Variants in FARSB observed in about 807,000 individuals in gnomAD.
FARSB encodes the protein phenylalanyl-tRNA synthetase subunit beta, also known as phenylalanine--tRNA ligase beta subunit.
FARSB carries 40 observed loss-of-function variants against 69.6 expected under a neutral mutation model. That is an observed-to-expected ratio of 0.57 (90% CI 0.45 to 0.75). FARSB has a LOEUF of 0.75. FARSB is among the 30% of genes least tolerant of loss of function. FARSB has a pLI of 0.00. For synonymous variants in FARSB, 235 were observed against 247.2 expected, an observed-to-expected ratio of 0.95 and a Z score of 0.46; for missense variants, 632 against 722.9, an observed-to-expected ratio of 0.87 and a Z score of 1.44.
intron 3 of FARSB, 99 bp from the exon 4 acceptor site, chr2:222,641,030 A>G: frequency 2.2e-6 from 1 of 461,614 alleles, no homozygotes; most frequent in Non-Finnish European, 3.7e-6. Context: ...AAAATGAATT[A>G]GGGCAATGGG....
At chr2:222,604,513 G>A (rs183660706) in intron 15 of FARSB, among the ~76,000 whole-genome samples, 162 of 152,192 alleles carry the variant, frequency 1.1e-3, no homozygotes, top group African/African-American at 3.7e-3. Flanking sequence ...GATGATAGAG[G>A]TCAAAGCCAG....
In FARSB at chr2:222,647,721, C is replaced by T. The variant is rs192767709; in HGVS notation, c.114+1019G>A. Among the ~76,000 whole-genome samples, 242 of 152,266 alleles carry T rather than the reference C, an allele frequency of 1.6e-3. 1 individual carries two copies. The highest frequency in any genetic ancestry group is 0.013 in the Admixed American group (193 of 15,300). ...AGGAGGTTGTGGTGAGCCAAGATCG[C>T]GCTGTCGCACTCCAGCCTGGGCAAC... On this transcript the variant is annotated intron_variant, in intron 2 of 16. Coordinates refer to ENST00000281828, the MANE Select transcript of FARSB (RefSeq NM_005687.5).
intron 2 of FARSB, among the ~76,000 whole-genome samples, chr2:222,645,657 T>A (rs1421275809): frequency 3.9e-5 from 6 of 151,912 alleles, no homozygotes; most frequent in African/African-American, 1.4e-4. Context: ...TTATTGGCAA[T>A]TACAAAAGTA....
At chr2:222,582,178 T>A (rs940717456) in intron 16 of FARSB, among the ~76,000 whole-genome samples, 3 of 152,186 alleles carry the variant, frequency 2.0e-5, no homozygotes, top group Non-Finnish European at 4.4e-5. Flanking sequence ...TCAATGTTAA[T>A]CAACAGGAAA....
At chr2:222,578,820 A>C (rs774163163) in intron 16 of FARSB, among the ~76,000 whole-genome samples, 13 of 150,082 alleles carry the variant, frequency 8.7e-5, no homozygotes, top group Admixed American at 2.7e-4. Context: ...TCTACTAAAA[A>C]ATACAAAAAA....
chr2:222,621,376 C>A (rs1691130680), intron 13 of FARSB, among the ~76,000 whole-genome samples: 2 of 152,134 alleles, frequency 1.3e-5, no homozygotes, highest in Non-Finnish European at 2.9e-5. Context: ...GCAACCTCCA[C>A]CACACCCGAC....
chr2:222,568,611 G>A lies in FARSB; in HGVS notation c.*3260C>T, dbSNP rs1689668393. 1 of 152,202 alleles carries A rather than the reference G, an allele frequency of 6.6e-6. No homozygotes were observed. Among genetic ancestry groups the A allele is most frequent in the Non-Finnish European group, 1.5e-5 (1 of 68,042 alleles). The allele number at this position is 152,202 out of a possible 1,614,324, so 9.4% of individuals were successfully genotyped here. The stretch of plus-strand genomic sequence containing the variant: ...TCCCAGCACTTTGGGAGGCAGAGGT[G>A]GACAGATCGCCTGAGGTCAGAAGTT... On this transcript the variant is annotated 3_prime_UTR_variant, in exon 17 of 17. Coordinates refer to ENST00000281828, the MANE Select transcript of FARSB (RefSeq NM_005687.5). This position sits in a 1 kb window ranked among gnomAD's most constrained non-coding sequence, Gnocchi z 4.3.
chr2:222,637,052 A>G (rs1559213301), intron 5 of FARSB, among the ~76,000 whole-genome samples: 1 of 152,076 alleles, frequency 6.6e-6, no homozygotes, highest in Non-Finnish European at 1.5e-5. Flanking sequence ...AGAAGGAACT[A>G]TTTTTTTTAA....
intron 16 of FARSB, among the ~76,000 whole-genome samples, chr2:222,595,832 GA>G (rs1690398419): frequency 6.6e-6 from 1 of 151,764 alleles, no homozygotes; most frequent in Middle Eastern, 3.4e-3. Flanking sequence ...AGTGGTTTTT[GA>G]AAAGGATAGA....
At chr2:222,637,615 A>G (rs940912253) in intron 5 of FARSB, among the ~76,000 whole-genome samples, 5 of 152,202 alleles carry the variant, frequency 3.3e-5, no homozygotes, top group African/African-American at 1.2e-4. Context: ...GTAGGGACTA[A>G]TTAGCCTAAA....
chr2:222,617,504 C>T (rs531048795), intron 14 of FARSB, among the ~76,000 whole-genome samples: 33 of 152,180 alleles, frequency 2.2e-4, no homozygotes, highest in Admixed American at 2.6e-4. Flanking sequence ...TACTGGGTGA[C>T]GGGTTCAGTC....
chr2:222,631,770 T>C (rs926800085), intron 7 of FARSB, 96 bp from the exon 8 acceptor site: 10 of 771,776 alleles, frequency 1.3e-5, no homozygotes, highest in Non-Finnish European at 2.2e-5. Context: ...ATTTTAAATG[T>C]AAAACATATT....
At position 222,624,742 on chromosome 2, in the gene FARSB, C is replaced by T. The variant is rs1033444151; in HGVS notation, c.934G>A (p.Asp312Asn). 1.4e-5 allele frequency: 23 copies of T among 1,605,522 alleles called. No homozygotes were observed. The highest frequency in any genetic ancestry group is 4.0e-5 in the African/African-American group (3 of 74,536). Residue 312 changes from aspartate (D) to asparagine (N), a missense_variant, in exon 11 of 17, where the codon GAC becomes AAC. Transcript: ENST00000281828. ...LAYRKEMVRADLINKKVGIRE... is the reference protein window; with the variant it reads ...LAYRKEMVRANLINKKVGIRE... ...ATTCCAACTTTTTTGTTAATTAGGT[C>T]AGCTCTCACCATCTCCTTTCGGTAA...
intron 16 of FARSB, among the ~76,000 whole-genome samples, chr2:222,595,292 A>T (rs532999855): frequency 6.6e-6 from 1 of 152,310 alleles, no homozygotes; most frequent in Admixed American, 6.5e-5. Flanking sequence ...TATTTTTCTC[A>T]TATATTTCCA....
intron 2 of FARSB, 98 bp downstream of exon 2, chr2:222,648,642 G>A (rs1332910894): frequency 1.2e-6 from 1 of 815,568 alleles, no homozygotes; most frequent in Non-Finnish European, 2.2e-6. Context: ...TATCACCTTA[G>A]TCTAACTATA....
chr2:222,572,088 A>G lies in FARSB; in HGVS notation c.1619-66T>C, dbSNP rs1006535933. 4.3e-6 allele frequency: 6 copies of G among 1,394,248 alleles called. No individual in the cohort carries two copies. In the African/African-American group the frequency reaches 7.3e-5, roughly 17 times the overall value. 86.4% of individuals were successfully genotyped at this position (1,394,248 alleles called of 1,614,324 possible). On this transcript the variant is annotated intron_variant, in intron 16 of 16. Coordinates refer to ENST00000281828, the MANE Select transcript of FARSB (RefSeq NM_005687.5). Reference sequence around the variant, plus strand: ...GGCAAAACATCAATAGACATTTAACACTAAAAGCCCACTAGTCTACTTTAA... The same window carrying G: ...GGCAAAACATCAATAGACATTTAACGCTAAAAGCCCACTAGTCTACTTTAA...
chr2:222,572,532 G>A (rs762441598), intron 16 of FARSB, among the ~76,000 whole-genome samples: 5 of 152,120 alleles, frequency 3.3e-5, no homozygotes, highest in African/African-American at 7.2e-5. Context: ...AAAGAAACTG[G>A]AGCCGCCGTG....
At chr2:222,609,883 T>C (rs761501130) in intron 15 of FARSB, among the ~76,000 whole-genome samples, 1 of 152,130 alleles carries the variant, frequency 6.6e-6, no homozygotes, top group African/African-American at 2.4e-5. Context: ...CGAAATCCAG[T>C]ATGGATTCTA....
In FARSB at chr2:222,570,172, C is replaced by T. The variant is rs1689689652; in HGVS notation, c.*1699G>A. Among the ~76,000 whole-genome samples, 1 of 152,190 alleles carries T rather than the reference C, an allele frequency of 6.6e-6. No homozygotes were observed. On this transcript the variant is annotated 3_prime_UTR_variant, in exon 17 of 17. Transcript: ENST00000281828. ...TCTTTTCAAGTGCTCATTCATATGT[C>T]ATCTTTTGGGAAATGTTTGCTCAAC...
Sources: gnomAD v4.1 joint callset for allele counts (sites outside exome capture counted in the v4.1 genomes callset) on GRCh38, gnomAD v4.1.1 for gene constraint, Gnocchi (gnomAD v3.1) non-coding constraint, MANE v1.5 for transcripts, NCBI Gene and HGNC (gene_info 2026-07-23, HGNC 2026-07-21) for gene names.